The following CAMKMT variants were observed in gnomAD, a reference collection of about 807,000 sequenced individuals.
CAMKMT encodes the protein calmodulin-lysine N-methyltransferase, also known as CaM KMT.
In CAMKMT, 53 loss-of-function variants were observed where a neutral mutation model predicts 48.0. The observed-to-expected ratio is 1.10, with a 90% CI of 0.89 to 1.39. CAMKMT has a LOEUF of 1.39. CAMKMT is among the 40% of genes most tolerant of loss of function. The probability of loss-of-function intolerance (pLI) is 0.00; values close to 1 mark genes in which losing one functional copy is unlikely to be tolerated. For synonymous variants in CAMKMT, 165 were observed against 152.3 expected, an observed-to-expected ratio of 1.08 and a Z score of -0.61; for missense variants, 428 against 402.7, an observed-to-expected ratio of 1.06 and a Z score of -0.54.
At position 44,577,321 on chromosome 2, in the gene CAMKMT, C is replaced by T. The variant is rs1007945364; in HGVS notation, c.377-126962C>T. The stretch of plus-strand genomic sequence containing the variant: ...GTTTCAGAAAGGGGTAGCTGACCTG[C>T]ATGCAGCAAGCCATAAAGCTTCTTC... On this transcript the variant is annotated intron_variant, in intron 3 of 10. Coordinates refer to ENST00000378494, the MANE Select transcript of CAMKMT (RefSeq NM_024766.5). Among the ~76,000 whole-genome samples the T allele has an allele frequency of 2.6e-5, 4 of 152,158 alleles. No individual in the cohort carries two copies. In the South Asian group the frequency reaches 8.3e-4, roughly 32 times the overall value.
chr2:44,705,613 C>A, intron 4 of CAMKMT: 1 of 827,912 alleles, frequency 1.2e-6, no homozygotes, highest in Non-Finnish European at 1.5e-6. Context: ...AAGTCAGAGC[C>A]CAGTCATTAC....
intron 3 of CAMKMT, among the ~76,000 whole-genome samples, chr2:44,629,923 A>T (rs1375672086): frequency 1.3e-5 from 2 of 152,118 alleles, no homozygotes; most frequent in Non-Finnish European, 2.9e-5. Context: ...ACCAAAAAAG[A>T]GCCCACATTG....
chr2:44,726,617 G>A (rs764711610), intron 7 of CAMKMT, among the ~76,000 whole-genome samples: 17 of 152,100 alleles, frequency 1.1e-4, no homozygotes, highest in Non-Finnish European at 1.8e-4. Flanking sequence ...AAGCTCTTTC[G>A]TGTAATCAGG....
At position 44,695,350 on chromosome 2, in the gene CAMKMT, C is replaced by T. The variant is rs186571496; in HGVS notation, c.377-8933C>T. Among the ~76,000 whole-genome samples, 174 of 152,136 alleles carry T rather than the reference C, an allele frequency of 1.1e-3. 1 individual carries two copies. The highest frequency in any genetic ancestry group is 3.4e-3 in the Middle Eastern group (1 of 294). On this transcript the variant is annotated intron_variant, in intron 3 of 10. Coordinates refer to ENST00000378494, the MANE Select transcript of CAMKMT (RefSeq NM_024766.5). Reference sequence around the variant, plus strand: ...TCATCATTAGTGTTCTTGTCTTGTACGTCCTTCTCCTAAAAATTATTCTCA... The same window carrying T: ...TCATCATTAGTGTTCTTGTCTTGTATGTCCTTCTCCTAAAAATTATTCTCA...
intron 8 of CAMKMT, among the ~76,000 whole-genome samples, chr2:44,753,256 A>G (rs1315795844): frequency 9.5e-6 from 1 of 105,536 alleles, no homozygotes; most frequent in Non-Finnish European, 2.2e-5. Flanking sequence ...CTACAAAAAA[A>G]AAAAAAAAAA....
At chr2:44,697,335 G>A (rs1209121073) in intron 3 of CAMKMT, among the ~76,000 whole-genome samples, 1 of 152,052 alleles carries the variant, frequency 6.6e-6, no homozygotes, top group Non-Finnish European at 1.5e-5. Context: ...CAGGAGAAAG[G>A]CAAAAGGAGC....
intron 3 of CAMKMT, among the ~76,000 whole-genome samples, chr2:44,515,925 C>G (rs1670809711): frequency 6.6e-6 from 1 of 152,146 alleles, no homozygotes; most frequent in Non-Finnish European, 1.5e-5. Flanking sequence ...GCAGTTGCAT[C>G]TATTTATGAG....
chr2:44,751,612 T>C (rs1680156964), intron 8 of CAMKMT, among the ~76,000 whole-genome samples: 1 of 152,218 alleles, frequency 6.6e-6, no homozygotes, highest in African/African-American at 2.4e-5. Flanking sequence ...CATTTGTATT[T>C]AACACGTGTC....
At chr2:44,504,977 G>A (rs1670186593) in intron 3 of CAMKMT, among the ~76,000 whole-genome samples, 1 of 152,178 alleles carries the variant, frequency 6.6e-6, no homozygotes, top group Non-Finnish European at 1.5e-5. Flanking sequence ...AGGGGAGCCA[G>A]TGTGCACAGA....
chr2:44,429,063 G>A (rs1684467576), intron 3 of CAMKMT, among the ~76,000 whole-genome samples: 1 of 152,120 alleles, frequency 6.6e-6, no homozygotes, highest in South Asian at 2.1e-4. Flanking sequence ...TGAACTTAAG[G>A]CTAAAGTCAA....
chr2:44,362,324 A>C (rs2104312697), intron 1 of CAMKMT, among the ~76,000 whole-genome samples, 179 bp downstream of exon 1: 1 of 152,200 alleles, frequency 6.6e-6, no homozygotes, highest in Admixed American at 6.5e-5. Context: ...AAGAGGAGGA[A>C]TCATGTGGGG....
At chr2:44,389,503 C>G (rs1681110986) in intron 2 of CAMKMT, among the ~76,000 whole-genome samples, 1 of 151,982 alleles carries the variant, frequency 6.6e-6, no homozygotes, top group African/African-American at 2.4e-5. Flanking sequence ...TAAAGAACTT[C>G]AGCTGTAAAT....
At chr2:44,548,329 C>T in intron 3 of CAMKMT, among the ~76,000 whole-genome samples, 1 of 152,158 alleles carries the variant, frequency 6.6e-6, no homozygotes, top group East Asian at 1.9e-4. Flanking sequence ...CTGGCATTGT[C>T]TAAGACCCAC....
At chr2:44,672,055 G>A (rs1453895728) in intron 3 of CAMKMT, among the ~76,000 whole-genome samples, 1 of 152,158 alleles carries the variant, frequency 6.6e-6, no homozygotes, top group Non-Finnish European at 1.5e-5. Context: ...CCGACAGGAT[G>A]ATGAAAACTC....
intron 3 of CAMKMT, among the ~76,000 whole-genome samples, chr2:44,519,332 GAT>G (rs1359465587): frequency 2.0e-5 from 3 of 152,122 alleles, no homozygotes; most frequent in Non-Finnish European, 2.9e-5. Flanking sequence ...TTGAAGCAGA[GAT>G]ATGTGTTTGT....
At position 44,618,479 on chromosome 2, in the gene CAMKMT, C is replaced by T. The variant is rs1049988690; in HGVS notation, c.377-85804C>T. On this transcript the variant is annotated intron_variant, in intron 3 of 10. Coordinates refer to ENST00000378494, the MANE Select transcript of CAMKMT (RefSeq NM_024766.5). This position sits in a 1 kb window ranked among gnomAD's most constrained non-coding sequence, Gnocchi z 4.0. ...ACTTGGGGACCTTTTTGCTTTAGGT[C>T]GAAGGCTTTTCAGACTGCGATGAGA... 5.3e-5 allele frequency among the ~76,000 whole-genome samples: 8 copies of T among 152,206 alleles called. No individual in the cohort carries two copies. Among genetic ancestry groups the T allele is most frequent in the South Asian group, 2.1e-4 (1 of 4,820 alleles).
intron 3 of CAMKMT, chr2:44,395,064 T>G (rs1025174321): frequency 2.3e-5 from 10 of 435,732 alleles, no homozygotes; most frequent in African/African-American, 2.0e-4. Flanking sequence ...TTTTCACTTT[T>G]TACTTGTATT....
At chr2:44,683,516 G>A (rs1287412146) in intron 3 of CAMKMT, among the ~76,000 whole-genome samples, 1 of 152,124 alleles carries the variant, frequency 6.6e-6, no homozygotes, top group Non-Finnish European at 1.5e-5. Context: ...TGTCTCTAAA[G>A]CACCTATGAA....
chr2:44,409,111 A>C (rs1219646358), intron 3 of CAMKMT, among the ~76,000 whole-genome samples: 1 of 3,876 alleles, frequency 2.6e-4, no homozygotes, highest in African/African-American at 7.5e-4. Context: ...ATATATATAT[A>C]TATATATATA....
Sources: allele counts gnomAD v4.1 joint callset (sites outside exome capture counted in the v4.1 genomes callset), GRCh38; gene constraint gnomAD v4.1.1; non-coding constraint Gnocchi (gnomAD v3.1); transcripts MANE v1.5; gene names NCBI Gene and HGNC (gene_info 2026-07-23, HGNC 2026-07-21).